The following ARL6 variants were observed in gnomAD, a reference collection of about 807,000 sequenced individuals.
ARL6 encodes the protein ARF like GTPase 6, also known as ADP-ribosylation factor-like protein 6.
Under a neutral mutation model 27.1 loss-of-function variants are expected in ARL6, and 18 were observed. That is an observed-to-expected ratio of 0.66 (90% CI 0.46 to 0.98). ARL6 has a LOEUF of 0.98. Ranked by LOEUF, ARL6 falls within the 50% of genes least tolerant of loss-of-function variation. The probability of loss-of-function intolerance (pLI) is 0.00; values close to 1 mark genes in which losing one functional copy is unlikely to be tolerated. For missense variants in ARL6, 187 were observed against 214.9 expected (o/e 0.87, Z 0.81); for synonymous variants, 65 against 72.3 (o/e 0.90, Z 0.51).
Position 97,799,102 on chromosome 3 carries a change from G to A in ARL6, c.*1053G>A, listed in dbSNP as rs2038135728. 1 of 151,920 alleles carries A rather than the reference G, an allele frequency of 6.6e-6. No homozygotes were observed. The highest frequency in any genetic ancestry group is 2.4e-5 in the African/African-American group (1 of 41,406). The allele number at this position is 151,920 out of a possible 1,614,324, so 9.4% of individuals were successfully genotyped here. A position where few individuals can be genotyped will look rare whatever the true frequency, so the allele number is the denominator to read the frequency against. ...TAGAAACCTTCATTTTAATCACTGA[G>A]CAACAGTATATAGAGCAATATTGTT... On this transcript the variant is annotated 3_prime_UTR_variant, in exon 8 of 8. Coordinates refer to ENST00000463745, the MANE Select transcript of ARL6 (RefSeq NM_001278293.3).
chr3:97,775,626 A>G (rs952633987), intron 2 of ARL6, among the ~76,000 whole-genome samples: 8 of 152,102 alleles, frequency 5.3e-5, no homozygotes, highest in African/African-American at 1.7e-4. Context: ...CTTCAATCCA[A>G]TCAAATTGAC....
chr3:97,783,793 CAATA>C (rs2037317612), intron 4 of ARL6, among the ~76,000 whole-genome samples: 1 of 151,412 alleles, frequency 6.6e-6, no homozygotes, highest in Non-Finnish European at 1.5e-5. Flanking sequence ...TACAGATGTC[CAATA>C]AATATATGAA....
intron 4 of ARL6, among the ~76,000 whole-genome samples, chr3:97,784,426 C>A (rs1374272877): frequency 9.3e-5 from 14 of 150,912 alleles, no homozygotes; most frequent in Non-Finnish European, 1.6e-4. Context: ...ATGTATTTCT[C>A]ACTATGGTTT....
At chr3:97,788,246 G>A in intron 6 of ARL6, 127 bp downstream of exon 6, 1 of 1,044,578 alleles carries the variant, frequency 9.6e-7, no homozygotes, top group Non-Finnish European at 1.4e-6. Context: ...TAAGGATTTT[G>A]TTTTGTAGAA....
intron 3 of ARL6, 91 bp downstream of exon 3, chr3:97,780,311 T>C (rs568945242): frequency 1.9e-6 from 2 of 1,031,786 alleles, no homozygotes; most frequent in East Asian, 2.4e-5. Context: ...TTAGATAAAG[T>C]AATTTGTTGT....
rs560734650 is a variant in ARL6 at position 97,776,882 on chromosome 3, C to T, written c.124-3277C>T. ...CCATGTTGGCCTGGCTGGTCTTGAA[C>T]TCATAACTTGAGGTGACCTACCCGC... On this transcript the variant is annotated intron_variant, in intron 2 of 7. Coordinates refer to ENST00000463745, the MANE Select transcript of ARL6 (RefSeq NM_001278293.3). 3.3e-4 allele frequency among the ~76,000 whole-genome samples: 51 copies of T among 152,312 alleles called. No individual in the cohort carries two copies. In the South Asian group the frequency reaches 0.01, roughly 30 times the overall value.
rs1360062070 is a variant in ARL6 at position 97,791,920 on chromosome 3, T to A, written c.535+94T>A. Reference sequence around the variant, plus strand: ...CATTTTATTTTATTATATCATTGCCTTTTTTCCTCTTTCCATTTATTTCTG... The same window carrying A: ...CATTTTATTTTATTATATCATTGCCATTTTTCCTCTTTCCATTTATTTCTG... On this transcript the variant is annotated intron_variant, in intron 7 of 7. Transcript: ENST00000463745. The A allele has an allele frequency of 4.6e-6, 5 of 1,094,686 alleles. No individual in the cohort carries two copies. The East Asian group carries it at 1.3e-4, about 29-fold the overall frequency. The allele number at this position is 1,094,686 out of a possible 1,614,324, so 67.8% of individuals were successfully genotyped here.
chr3:97,793,879 G>A (rs1336655737), intron 7 of ARL6, among the ~76,000 whole-genome samples: 1 of 151,354 alleles, frequency 6.6e-6, no homozygotes, highest in African/African-American at 2.4e-5. Context: ...AAAAACTTAG[G>A]CTTCTGAGTC....
At chr3:97,791,725 T>G (rs750670724) in intron 6 of ARL6, 46 bp from the exon 7 acceptor site, 28 of 1,551,952 alleles carry the variant, frequency 1.8e-5, no homozygotes, top group Non-Finnish European at 2.5e-5. Flanking sequence ...TCTTATAGTT[T>G]TGTGATGTAA....
In ARL6 at chr3:97,800,547, G is replaced by A. The variant is rs558097184; in HGVS notation, c.*2498G>A. On this transcript the variant is annotated 3_prime_UTR_variant, in exon 8 of 8. Transcript: ENST00000463745. Reference sequence around the variant, plus strand: ...TGCTTTATAAATCACAAAAGAGCTGGGTTTTATATGTTTGTTTTTTATTTC... The same window carrying A: ...TGCTTTATAAATCACAAAAGAGCTGAGTTTTATATGTTTGTTTTTTATTTC... The A allele has an allele frequency of 1.3e-5, 2 of 151,164 alleles. No homozygotes were observed. The highest frequency in any genetic ancestry group is 6.6e-5 in the Admixed American group (1 of 15,174). 9.4% of individuals were successfully genotyped at this position (151,164 alleles called of 1,614,324 possible).
In ARL6 at chr3:97,791,422, A is replaced by T. The variant is rs2037730790; in HGVS notation, c.480-349A>T. On this transcript the variant is annotated intron_variant, in intron 6 of 7. Transcript: ENST00000463745. ...ATTATAACTCAAGTCAAGCATTTCT[A>T]ATAATGAGATTGAATGATTGGAACT... is the stretch of plus-strand genomic sequence containing the variant. The T allele has an allele frequency of 1.5e-5, 3 of 206,124 alleles. No individual in the cohort carries two copies. The South Asian group carries it at 2.9e-4, about 20-fold the overall frequency. The allele number at this position is 206,124 out of a possible 1,614,324, so 12.8% of individuals were successfully genotyped here.
chr3:97,795,935 T>C (rs958585264), intron 7 of ARL6, among the ~76,000 whole-genome samples: 1 of 152,142 alleles, frequency 6.6e-6, no homozygotes, highest in Non-Finnish European at 1.5e-5. Context: ...CAGAAAACAA[T>C]GACAGTAGGC....
At chr3:97,770,462 G>A (rs1168024452) in intron 2 of ARL6, among the ~76,000 whole-genome samples, 1 of 151,960 alleles carries the variant, frequency 6.6e-6, no homozygotes, top group African/African-American at 2.4e-5. Flanking sequence ...TGGATATTAT[G>A]TAAATATTTT....
chr3:97,788,072 T>A lies in ARL6; in HGVS notation c.432T>A (p.Ser144=), dbSNP rs1324293417. 3 of 1,613,392 alleles carry A rather than the reference T, an allele frequency of 1.9e-6. No individual in the cohort carries two copies. The highest frequency in any genetic ancestry group is 4.5e-5 in the East Asian group (2 of 44,794). Residue 144 remains serine, a synonymous_variant, in exon 6 of 8, where the codon TCT becomes TCA. Transcript: ENST00000463745. ...ATGCAGTGACATCTGTAAAAGTGTC[T>A]CAGTTGCTGTGTTTAGAGAACATCA... The part of the protein sequence containing the change: ...LRDAVTSVKV[S]QLLCLENIKD...
intron 2 of ARL6, among the ~76,000 whole-genome samples, chr3:97,779,865 C>CAA (rs1285144727): frequency 4.3e-5 from 5 of 117,346 alleles, no homozygotes; most frequent in Admixed American, 1.8e-4. Context: ...GACTCTATCT[C>CAA]AAAAAAAAAA....
chr3:97,782,718 A>C (rs1028594151), intron 4 of ARL6, among the ~76,000 whole-genome samples: 13 of 151,710 alleles, frequency 8.6e-5, no homozygotes, highest in Non-Finnish European at 1.6e-4. Context: ...GGGCAAAAAA[A>C]TATACATAGA....
intron 4 of ARL6, among the ~76,000 whole-genome samples, chr3:97,784,426 C>T (rs1374272877): frequency 6.6e-6 from 1 of 150,912 alleles, no homozygotes; most frequent in East Asian, 1.9e-4. Flanking sequence ...ATGTATTTCT[C>T]ACTATGGTTT....
chr3:97,786,229 C>T (rs1004584215), intron 5 of ARL6, among the ~76,000 whole-genome samples: 2 of 151,852 alleles, frequency 1.3e-5, no homozygotes, highest in African/African-American at 4.8e-5. Flanking sequence ...CTTGTAATCC[C>T]ATATGCTCAG....
chr3:97,765,211 G>GT (rs1553688332), intron 1 of ARL6, among the ~76,000 whole-genome samples: 177 of 105,606 alleles, frequency 1.7e-3, no homozygotes, highest in East Asian at 0.013. Flanking sequence ...GTGTATTGGG[G>GT]GTGTGTGTGT....
Sources: gnomAD v4.1 joint callset for allele counts (sites outside exome capture counted in the v4.1 genomes callset) on GRCh38, gnomAD v4.1.1 for gene constraint, MANE v1.5 for transcripts, NCBI Gene and HGNC (gene_info 2026-07-23, HGNC 2026-07-21) for gene names.